Variants in ASXL3 observed in about 807,000 individuals in gnomAD.
The protein encoded by ASXL3 is putative Polycomb group protein ASXL3.
A neutral mutation model predicts 170.6 loss-of-function variants in ASXL3; 34 were observed. The ratio of observed to expected loss-of-function variants is 0.20; its 90% CI spans 0.15 to 0.27. ASXL3 has a LOEUF of 0.27. Ranked by LOEUF, ASXL3 falls within the 10% of genes least tolerant of loss-of-function variation. The pLI is 1.00. For synonymous variants in ASXL3, 1,002 were observed against 989.1 expected (o/e 1.01, Z -0.24); for missense variants, 2,592 against 2,695.3 (o/e 0.96, Z 0.85).
At chr18:33,619,446 GAAAAA>G (rs56663499) in intron 2 of ASXL3, among the ~76,000 whole-genome samples, 2 of 139,728 alleles carry the variant, frequency 1.4e-5, no homozygotes, top group South Asian at 2.4e-4. Context: ...TTTGAAGACT[GAAAAA>G]AAAAAAAAAA....
rs3809986 is a variant in ASXL3 at position 33,746,451 on chromosome 18, C to T, written c.6603C>T (p.Ala2201=). The stretch of plus-strand genomic sequence containing the variant: ...CTCAGATGCCCGTTCAGAACTTTGC[C>T]GACAGCAGCAATGCAGATGAATTGG... ...QNAQMPVQNF[A]DSSNADELEL... is the part of the protein sequence containing the mutation. The change falls in exon 12 of 12, where the codon GCC becomes GCT. Residue 2201 remains alanine (A), a synonymous_variant. Transcript: ENST00000269197. 1,852 of 1,614,016 alleles carry T rather than the reference C, an allele frequency of 1.1e-3. 33 individuals carry two copies. In the East Asian group the frequency reaches 0.038, roughly 33 times the overall value.
chr18:33,594,314 T>G (rs913764259), intron 1 of ASXL3, among the ~76,000 whole-genome samples: 3 of 152,230 alleles, frequency 2.0e-5, no homozygotes, highest in African/African-American at 7.2e-5. Flanking sequence ...GGGATGGGTA[T>G]TTTGATCACA....
At chr18:33,660,570 C>T (rs1408086879) in intron 4 of ASXL3, among the ~76,000 whole-genome samples, 1 of 152,142 alleles carries the variant, frequency 6.6e-6, no homozygotes, top group Non-Finnish European at 1.5e-5. Flanking sequence ...CCCTGGTGCC[C>T]TTAAAAAGTC....
Position 33,734,477 on chromosome 18 carries a change from T to A in ASXL3, c.1082+62T>A, listed in dbSNP as rs1455485241. 3.7e-6 allele frequency: 4 copies of A among 1,092,294 alleles called. No homozygotes were observed. The African/African-American group carries it at 6.4e-5, about 17-fold the overall frequency. The allele number at this position is 1,092,294 out of a possible 1,614,324, so 67.7% of individuals were successfully genotyped here. A position where few individuals can be genotyped will look rare whatever the true frequency, so the allele number is the denominator to read the frequency against. ...AAGAAATGAAAATGTAATTCTCTGC[T>A]TCACATAGCACACTCATATGCTGTA... On this transcript the variant is annotated intron_variant, in intron 10 of 11. Coordinates refer to ENST00000269197, the MANE Select transcript of ASXL3 (RefSeq NM_030632.3).
intron 2 of ASXL3, among the ~76,000 whole-genome samples, chr18:33,628,465 G>A (rs1274181541): frequency 6.6e-6 from 1 of 152,128 alleles, no homozygotes; most frequent in Non-Finnish European, 1.5e-5. Flanking sequence ...CTCACACTTA[G>A]TTTGAAAAGC....
At chr18:33,682,379 C>A (rs1183890619) in intron 7 of ASXL3, among the ~76,000 whole-genome samples, 2 of 152,112 alleles carry the variant, frequency 1.3e-5, no homozygotes, top group East Asian at 3.9e-4. Flanking sequence ...ATTCTTCTGT[C>A]TGTGTTTGAT....
At chr18:33,600,257 T>C (rs557276085) in intron 1 of ASXL3, among the ~76,000 whole-genome samples, 3 of 152,314 alleles carry the variant, frequency 2.0e-5, no homozygotes, top group South Asian at 4.1e-4. Context: ...GTATAACTTA[T>C]TGAATCCCAT....
chr18:33,676,206 G>A (rs985643224), intron 7 of ASXL3, among the ~76,000 whole-genome samples: 5 of 55,276 alleles, frequency 9.0e-5, no homozygotes, highest in African/African-American at 2.4e-4. Flanking sequence ...CCTGGGTGAC[G>A]AGCGAGACTC....
At chr18:33,628,726 T>A (rs1182289803) in intron 2 of ASXL3, among the ~76,000 whole-genome samples, 2 of 144,326 alleles carry the variant, frequency 1.4e-5, no homozygotes, top group Non-Finnish European at 3.1e-5. Flanking sequence ...AAAGCTTTTT[T>A]TGTTTTTAAT....
chr18:33,666,700 C>A (rs988881161), intron 5 of ASXL3, among the ~76,000 whole-genome samples: 1 of 151,918 alleles, frequency 6.6e-6, no homozygotes, highest in South Asian at 2.1e-4. Context: ...TACCAGTAAC[C>A]CTGTTTGGAA....
intron 2 of ASXL3, among the ~76,000 whole-genome samples, chr18:33,630,310 A>G (rs897435229): frequency 2.0e-5 from 3 of 151,724 alleles, no homozygotes; most frequent in Non-Finnish European, 2.9e-5. Context: ...TTTTACATAT[A>G]TATATTTCAC....
intron 2 of ASXL3, among the ~76,000 whole-genome samples, chr18:33,626,403 G>C (rs1352990271): frequency 1.3e-5 from 2 of 152,088 alleles, no homozygotes; most frequent in East Asian, 3.9e-4. Context: ...CTGTCAAGGT[G>C]ATGGTAGTTA....
chr18:33,636,833 C>T (rs1330967791), intron 2 of ASXL3, among the ~76,000 whole-genome samples: 1 of 152,022 alleles, frequency 6.6e-6, no homozygotes, highest in African/African-American at 2.4e-5. Flanking sequence ...TTGTGTTATA[C>T]CAGTTGAGCA....
At chr18:33,723,860 C>G (rs1036506108) in intron 8 of ASXL3, among the ~76,000 whole-genome samples, 15 of 152,158 alleles carry the variant, frequency 9.9e-5, no homozygotes, top group Admixed American at 9.2e-4. Flanking sequence ...CAGCCACCAG[C>G]CACCCTGATC....
rs1057168119 is a variant in ASXL3 at position 33,581,178 on chromosome 18, ACT to A, written c.54+2497_54+2498del. Among the ~76,000 whole-genome samples the A allele has an allele frequency of 4.8e-4, 73 of 152,044 alleles. 1 individual carries two copies. Among genetic ancestry groups the A allele is most frequent in the Admixed American group, 2.0e-3 (30 of 15,262 alleles). Reference sequence around the variant, plus strand: ...CTTTTATAATTGATAGTATTTCTTAACTCTCAATTAAAAAAAGTTTTTAAGCA... The same window carrying A: ...CTTTTATAATTGATAGTATTTCTTAACTCAATTAAAAAAAGTTTTTAAGCA... On this transcript the variant is annotated intron_variant, in intron 1 of 11. Coordinates refer to ENST00000269197, the MANE Select transcript of ASXL3 (RefSeq NM_030632.3).
At chr18:33,702,753 T>G (rs2066896049) in intron 8 of ASXL3, among the ~76,000 whole-genome samples, 2 of 152,294 alleles carry the variant, frequency 1.3e-5, no homozygotes, top group African/African-American at 4.8e-5. Flanking sequence ...AGGTTTTCAA[T>G]GGTCACAGCA....
intron 4 of ASXL3, among the ~76,000 whole-genome samples, chr18:33,657,879 T>A (rs1419054622): frequency 6.6e-6 from 1 of 152,096 alleles, no homozygotes; most frequent in Non-Finnish European, 1.5e-5. Flanking sequence ...TTATACCTTT[T>A]AAAAAATGTG....
rs764635590 is a variant in ASXL3, at chr18:33,744,003, A to G, written c.4155A>G (p.Val1385=). The stretch of plus-strand genomic sequence containing the variant: ...CTGGGAGTGAAGAACAGGCCACTGT[A>G]TCCATGGGTACCACTGTGAGAGCAG... The part of the protein sequence containing the change: ...AIPGSEEQAT[V]SMGTTVRAAL... The change falls in exon 12 of 12, where the codon GTA becomes GTG. Residue 1385 remains valine, a synonymous_variant. Coordinates refer to ENST00000269197, the MANE Select transcript of ASXL3 (RefSeq NM_030632.3). 6 of 1,613,930 alleles carry G rather than the reference A, an allele frequency of 3.7e-6. No individual in the cohort carries two copies. The South Asian group carries it at 5.5e-5, about 15-fold the overall frequency.
chr18:33,651,389 G>T lies in ASXL3; in HGVS notation c.355+5036G>T, dbSNP rs527890782. On this transcript the variant is annotated intron_variant, in intron 4 of 11. Coordinates refer to ENST00000269197, the MANE Select transcript of ASXL3 (RefSeq NM_030632.3). Reference sequence around the variant, plus strand: ...TTGAAAATGTGATCAGAGAGAGAAGGTTGGGTATATGAGTGGATGTGTGTG... The same window carrying T: ...TTGAAAATGTGATCAGAGAGAGAAGTTTGGGTATATGAGTGGATGTGTGTG... Among the ~76,000 whole-genome samples, 6 of 152,116 alleles carry T rather than the reference G, an allele frequency of 3.9e-5. No homozygotes were observed. The East Asian group carries it at 1.2e-3, about 30-fold the overall frequency.
Sources: gnomAD v4.1 joint callset for allele counts (sites outside exome capture counted in the v4.1 genomes callset) on GRCh38, gnomAD v4.1.1 for gene constraint, MANE v1.5 for transcripts, NCBI Gene and HGNC (gene_info 2026-07-23, HGNC 2026-07-21) for gene names.